EXOSC2: variants seen among roughly 807,000 people sequenced by gnomAD.
EXOSC2 encodes exosome component 2.
In EXOSC2, 29 loss-of-function variants were observed where a neutral mutation model predicts 37.6. That is an observed-to-expected ratio of 0.77 (90% CI 0.57 to 1.05). EXOSC2 has a LOEUF of 1.05. Among genes scored for constraint, EXOSC2 ranks in the 50% least tolerant of loss-of-function variants. The probability of loss-of-function intolerance (pLI) is 0.00; values close to 1 mark genes in which losing one functional copy is unlikely to be tolerated. For missense variants in EXOSC2, 346 were observed against 365.6 expected (o/e 0.95, Z 0.44); for synonymous variants, 119 against 131.1 (o/e 0.91, Z 0.63).
At chr9:130,700,201 G>A (rs1296405123) in intron 5 of EXOSC2, among the ~76,000 whole-genome samples, 1 of 151,752 alleles carries the variant, frequency 6.6e-6, no homozygotes, top group Non-Finnish European at 1.5e-5. Flanking sequence ...TGTATTTTTA[G>A]TAGAGACAGG....
chr9:130,696,099 A>C (rs1485594754), intron 2 of EXOSC2, among the ~76,000 whole-genome samples: 1 of 152,008 alleles, frequency 6.6e-6, no homozygotes, highest in Non-Finnish European at 1.5e-5. Flanking sequence ...CTGACCTCTG[A>C]TGATTTCCCC....
chr9:130,701,988 T>C (rs1831225186), intron 6 of EXOSC2, 146 bp from the exon 7 acceptor site: 1 of 1,439,266 alleles, frequency 6.9e-7, no homozygotes, highest in Non-Finnish European at 9.1e-7. Context: ...TGCAAAAATG[T>C]GTACTATGTG....
chr9:130,701,258 TG>T (rs1318126255), intron 6 of EXOSC2: 2 of 287,336 alleles, frequency 7.0e-6, no homozygotes, highest in Non-Finnish European at 1.3e-5. Flanking sequence ...AGCTCAGCAC[TG>T]GGGCTGAGGC....
At chr9:130,703,312 A>C in intron 8 of EXOSC2, 131 bp downstream of exon 8, 2 of 1,029,650 alleles carry the variant, frequency 1.9e-6, no homozygotes, top group Non-Finnish European at 2.7e-6. Context: ...AAACAGCCTT[A>C]ATGAGTGTCT....
At chr9:130,703,486 A>G (rs918600524) in intron 8 of EXOSC2, among the ~76,000 whole-genome samples, 1 of 152,196 alleles carries the variant, frequency 6.6e-6, no homozygotes, top group African/African-American at 2.4e-5. Flanking sequence ...TGTCAGAATA[A>G]TATCTTTGTT....
intron 1 of EXOSC2, among the ~76,000 whole-genome samples, chr9:130,695,291 C>A (rs1831068636): frequency 6.6e-6 from 1 of 152,106 alleles, no homozygotes; most frequent in Non-Finnish European, 1.5e-5. Context: ...GAAAGTGACA[C>A]CTGAGCAGAC....
At chr9:130,701,019 C>A in intron 6 of EXOSC2, 84 bp downstream of exon 6, 2 of 1,309,106 alleles carry the variant, frequency 1.5e-6, no homozygotes, top group Non-Finnish European at 2.2e-6. Context: ...GGAATTCTGG[C>A]CTAAAGAACC....
chr9:130,695,075 GTTA>G (rs2132625542), intron 1 of EXOSC2, among the ~76,000 whole-genome samples: 1 of 152,284 alleles, frequency 6.6e-6, no homozygotes, highest in Non-Finnish European at 1.5e-5. Context: ...GTGCAGTTGG[GTTA>G]TTATGGCAGA....
chr9:130,696,581 AT>A (rs762339318), intron 2 of EXOSC2, among the ~76,000 whole-genome samples: 2 of 151,874 alleles, frequency 1.3e-5, no homozygotes, highest in African/African-American at 2.4e-5. Context: ...AGTGATTGGA[AT>A]CTACACAGAT....
At chr9:130,702,428 T>C (rs1554754873) in intron 7 of EXOSC2, 118 bp downstream of exon 7, 7 of 777,670 alleles carry the variant, frequency 9.0e-6, no homozygotes, top group Non-Finnish European at 1.5e-5. Context: ...CTGAGTCACT[T>C]TGACTTTCCA....
At chr9:130,703,261 C>A in intron 8 of EXOSC2, 80 bp downstream of exon 8, 1 of 1,483,898 alleles carries the variant, frequency 6.7e-7, no homozygotes, top group Admixed American at 1.9e-5. Flanking sequence ...ATGCACATCT[C>A]CCCAATACTT....
intron 3 of EXOSC2, chr9:130,697,936 G>A: frequency 1.8e-6 from 1 of 548,104 alleles, no homozygotes; most frequent in Non-Finnish European, 3.3e-6. Flanking sequence ...TGGGATTACA[G>A]GCACCCGCCA....
chr9:130,696,218 G>A (rs931197066), intron 2 of EXOSC2, among the ~76,000 whole-genome samples: 5 of 152,204 alleles, frequency 3.3e-5, no homozygotes, highest in Non-Finnish European at 5.9e-5. Context: ...TTAGCACAGA[G>A]CCTGATACCT....
At chr9:130,700,728 C>A in intron 5 of EXOSC2, 139 bp from the exon 6 acceptor site, 1 of 698,356 alleles carries the variant, frequency 1.4e-6, no homozygotes, top group Non-Finnish European at 2.5e-6. Flanking sequence ...CAGTGATGTG[C>A]TCTGGGTCAA....
chr9:130,702,922 C>A, intron 7 of EXOSC2, 131 bp from the exon 8 acceptor site: 1 of 1,084,774 alleles, frequency 9.2e-7, no homozygotes, highest in Non-Finnish European at 1.3e-6. Context: ...TTGGAATTAG[C>A]TGTTTGGTTG....
At position 130,702,307 on chromosome 9, in the gene EXOSC2, G is replaced by A. The variant is rs750671592; in HGVS notation, c.669G>A (p.Leu223=). 1.2e-6 allele frequency: 2 copies of A among 1,613,280 alleles called. No individual in the cohort carries two copies. The highest frequency in any genetic ancestry group is 1.3e-5 in the African/African-American group (1 of 75,016). ...AAGCAGGGGGCTTCATTGCAAACCTGGAGGTGAGCAAACACTGTGGCCATT... is the reference window on the plus strand; with the variant it reads ...AAGCAGGGGGCTTCATTGCAAACCTAGAGGTGAGCAAACACTGTGGCCATT... The part of the protein sequence containing the change: ...EEEAGGFIAN[L]EPVSLADREV... The change falls in exon 7 of 9, where the codon CTG becomes CTA. Residue 223 remains leucine (L), a synonymous_variant. Transcript: ENST00000372358.
intron 5 of EXOSC2, among the ~76,000 whole-genome samples, chr9:130,700,329 T>TTTAATTTA (rs765452346): frequency 4.3e-5 from 6 of 140,664 alleles, no homozygotes; most frequent in African/African-American, 8.0e-5. Context: ...TCTGTCTTTA[T>TTTAATTTA]TTTATTTATT....
chr9:130,701,820 C>A, intron 6 of EXOSC2: 1 of 1,104,430 alleles, frequency 9.1e-7, no homozygotes, highest in Non-Finnish European at 1.1e-6. Flanking sequence ...CAGGAGGCTC[C>A]AGCTCACTTC....
intron 6 of EXOSC2, 136 bp downstream of exon 6, chr9:130,701,071 G>A (rs921447111): frequency 6.6e-6 from 5 of 757,298 alleles, no homozygotes; most frequent in Non-Finnish European, 1.1e-5. Context: ...CCCACAAACT[G>A]ATCGTGTTCC....
Sources: allele counts gnomAD v4.1 joint callset (sites outside exome capture counted in the v4.1 genomes callset), GRCh38; gene constraint gnomAD v4.1.1; transcripts MANE v1.5; gene names NCBI Gene and HGNC (gene_info 2026-07-23, HGNC 2026-07-21).